The following ZNF83 variants were observed in gnomAD, a reference collection of about 807,000 sequenced individuals.
ZNF83 encodes zinc finger protein 83.
For missense variants in ZNF83, 552 were observed against 629.9 expected (o/e 0.88, Z 1.32); for synonymous variants, 209 against 213.0 (o/e 0.98, Z 0.17).
At chr19:52,634,255 G>A (rs1317634211) in intron 2 of ZNF83, among the ~76,000 whole-genome samples, 2 of 143,552 alleles carry the variant, frequency 1.4e-5, no homozygotes, top group Non-Finnish European at 3.0e-5. Context: ...CTGGGTGACA[G>A]AGCAAGACTC....
At chr19:52,660,430 C>CT (rs2061564256) in intron 2 of ZNF83, among the ~76,000 whole-genome samples, 1 of 144,718 alleles carries the variant, frequency 6.9e-6, no homozygotes, top group Non-Finnish European at 1.5e-5. Flanking sequence ...ACCAGCCTGG[C>CT]CAACATGGTG....
At chr19:52,677,306 TAAAAAA>T (rs67835464) in intron 1 of ZNF83, among the ~76,000 whole-genome samples, 4 of 106,464 alleles carry the variant, frequency 3.8e-5, no homozygotes, top group African/African-American at 9.5e-5. Flanking sequence ...AATTGAGAAG[TAAAAAA>T]AAAAAAAAAA....
intron 1 of ZNF83, among the ~76,000 whole-genome samples, chr19:52,678,354 G>A (rs12983927): frequency 0.22 from 32,547 of 149,820 alleles, 3,739 homozygotes; most frequent in Non-Finnish European, 0.24. Flanking sequence ...GGAGGCTGAG[G>A]CAGGAGAATC....
rs376804376 is a variant in ZNF83, at chr19:52,666,525, G to A, written c.-282-5682C>T. Among the ~76,000 whole-genome samples the A allele has an allele frequency of 3.3e-5, 5 of 151,110 alleles. No individual in the cohort carries two copies. The South Asian group carries it at 8.4e-4, about 25-fold the overall frequency. Reference sequence around the variant, plus strand: ...GGCCCAAATGCATTCAATCTGTAGTGGCAACTGCTCAGCTAACAGAAGAAA... The same window carrying A: ...GGCCCAAATGCATTCAATCTGTAGTAGCAACTGCTCAGCTAACAGAAGAAA... On this transcript the variant is annotated intron_variant, in intron 1 of 5. Coordinates refer to the ZNF83 transcript ENST00000594682.
In ZNF83 at chr19:52,687,441, TATATAAATTATA is replaced by T. The variant is rs1420053396; in HGVS notation, c.-283+2990_-283+3001del. 1.4e-3 allele frequency among the ~76,000 whole-genome samples: 26 copies of T among 19,120 alleles called. 10 individuals are homozygous for T. Among genetic ancestry groups the T allele is most frequent in the African/African-American group, 8.4e-3 (24 of 2,868 alleles). 12.5% of individuals were successfully genotyped at this position (19,120 alleles called of 152,430 possible). ...TAATATAAATTATAATTTATATAGC[TATATAAATTATA>T]ATATAAATTATAATTTATATATCTA... On this transcript the variant is annotated intron_variant, in intron 1 of 5. Coordinates refer to the ZNF83 transcript ENST00000594682.
rs777615530 is a variant in ZNF83, at chr19:52,613,154, T to C, written c.1411A>G (p.Ser471Gly). The C allele has an allele frequency of 1.1e-5, 18 of 1,613,838 alleles. No individual in the cohort carries two copies. The highest frequency in any genetic ancestry group is 3.3e-5 in the Admixed American group (2 of 59,976). Residue 471 changes from serine (S) to glycine (G), a missense_variant, in exon 3 of 3, where the codon AGC (serine) becomes GGC (glycine). Transcript: ENST00000301096. ...TGGATCGCATGATGATTAGTGAGGC[T>C]TGAACGCATACTAAAAGCTTTGCCA...
At chr19:52,616,512 G>GCACATATAAATGTA (rs2060310592) in intron 2 of ZNF83, among the ~76,000 whole-genome samples, 1 of 151,982 alleles carries the variant, frequency 6.6e-6, no homozygotes. Context: ...AAGAAAATGT[G>GCACATATAAATGTA]GCACATATAC....
intron 1 of ZNF83, among the ~76,000 whole-genome samples, chr19:52,687,054 G>T (rs1416551407): frequency 6.6e-6 from 1 of 151,456 alleles, no homozygotes; most frequent in Non-Finnish European, 1.5e-5. Flanking sequence ...GGTGGCGCAT[G>T]CCTGTAATCC....
chr19:52,654,799 G>A (rs2061485852), intron 3 of ZNF83: 1 of 154,816 alleles, frequency 6.5e-6, no homozygotes, highest in Non-Finnish European at 1.4e-5. Flanking sequence ...TTCTACAGCA[G>A]TGACTGCTGT....
chr19:52,622,168 G>A (rs749668759), intron 2 of ZNF83, among the ~76,000 whole-genome samples: 8 of 151,726 alleles, frequency 5.3e-5, no homozygotes, highest in Non-Finnish European at 7.4e-5. Flanking sequence ...TTACAATTTC[G>A]TTCTGCAGCA....
intron 1 of ZNF83, among the ~76,000 whole-genome samples, chr19:52,672,229 G>A (rs534504316): frequency 6.6e-6 from 1 of 151,918 alleles, no homozygotes; most frequent in Non-Finnish European, 1.5e-5. Context: ...GTGAGATTCT[G>A]TCTCAAAAAA....
intron 2 of ZNF83, among the ~76,000 whole-genome samples, chr19:52,626,820 C>T (rs1013790798): frequency 4.6e-5 from 7 of 152,104 alleles, no homozygotes; most frequent in African/African-American, 1.4e-4. Context: ...CTCCATACCA[C>T]CCCCAAAAAT....
intron 1 of ZNF83, among the ~76,000 whole-genome samples, chr19:52,687,323 A>ATT (rs781196535): frequency 1.5e-5 from 2 of 136,312 alleles, no homozygotes; most frequent in Non-Finnish European, 1.5e-5. Context: ...CCGTTTTACA[A>ATT]TTATATATAT....
intron 1 of ZNF83, chr19:52,636,918 A>T (rs139513589): frequency 4.6e-5 from 7 of 151,770 alleles, no homozygotes; most frequent in African/African-American, 1.7e-4. Context: ...TCAGTCTCCT[A>T]AAGTGCTGGG....
chr19:52,627,734 A>C (rs1164020830), intron 2 of ZNF83, among the ~76,000 whole-genome samples: 2 of 152,176 alleles, frequency 1.3e-5, no homozygotes, highest in Non-Finnish European at 2.9e-5. Flanking sequence ...CGATGACACG[A>C]GTTTACCTGT....
intron 2 of ZNF83, among the ~76,000 whole-genome samples, chr19:52,627,705 T>A (rs1227302692): frequency 6.6e-6 from 1 of 152,164 alleles, no homozygotes; most frequent in Non-Finnish European, 1.5e-5. Flanking sequence ...GGTGATGAAC[T>A]ACTCTGTACA....
intron 1 of ZNF83, among the ~76,000 whole-genome samples, chr19:52,680,708 G>GT (rs1224520292): frequency 7.1e-6 from 1 of 140,032 alleles, no homozygotes; most frequent in African/African-American, 3.0e-5. Flanking sequence ...CGCCTCCCGG[G>GT]TTCACGCCAT....
At chr19:52,647,267 A>G (rs190673804) in intron 3 of ZNF83, among the ~76,000 whole-genome samples, 5 of 152,184 alleles carry the variant, frequency 3.3e-5, no homozygotes, top group Non-Finnish European at 5.9e-5. Context: ...TAGAATGTAC[A>G]TGTCTTATAG....
At chr19:52,678,095 G>A (rs34377664) in intron 1 of ZNF83, among the ~76,000 whole-genome samples, 32,799 of 151,624 alleles carry the variant, frequency 0.22, 3,778 homozygotes, top group Non-Finnish European at 0.24. Flanking sequence ...TTGCCTACAT[G>A]TGTGATTGGT....
Sources: gnomAD v4.1 joint callset for allele counts (sites outside exome capture counted in the v4.1 genomes callset) on GRCh38, gnomAD v4.1.1 for gene constraint, MANE v1.5 for transcripts, NCBI Gene and HGNC (gene_info 2026-07-23, HGNC 2026-07-21) for gene names.